Variants in SNX18 observed in about 807,000 individuals in gnomAD.
SNX18 encodes the protein sorting nexin-18.
SNX18 carries 35 observed loss-of-function variants against 48.7 expected under a neutral mutation model. The ratio of observed to expected loss-of-function variants is 0.72; its 90% CI spans 0.55 to 0.95. SNX18 has a LOEUF of 0.95. Among genes scored for constraint, SNX18 ranks in the 40% least tolerant of loss-of-function variants. The probability of loss-of-function intolerance (pLI) is 0.00; values close to 1 mark genes in which losing one functional copy is unlikely to be tolerated. For synonymous variants in SNX18, 492 were observed against 384.7 expected, an observed-to-expected ratio of 1.28 and a Z score of -3.26; for missense variants, 824 against 871.0, an observed-to-expected ratio of 0.95 and a Z score of 0.68.
At chr5:54,563,325 G>A in the SNX18 span, among the ~76,000 whole-genome samples, 48 of 152,226 alleles carry the variant, frequency 3.2e-4, no homozygotes, top group African/African-American at 1.2e-3. Context: ...TACAAGCTCT[G>A]TTCATGGTAA....
chr5:54,527,954 A>ATAAAATATGAGTGAT (rs1762166789), intron 1 of SNX18, among the ~76,000 whole-genome samples: 1 of 152,252 alleles, frequency 6.6e-6, no homozygotes, highest in East Asian at 1.9e-4. Context: ...GGATGAAGTC[A>ATAAAATATGAGTGAT]TTAACATGTG....
the SNX18 span, among the ~76,000 whole-genome samples, chr5:54,608,794 C>A: frequency 6.6e-4 from 100 of 152,260 alleles, no homozygotes; most frequent in Admixed American, 1.1e-3. Context: ...CATCTGAGTA[C>A]CCATCCTCCT....
intron 1 of SNX18, among the ~76,000 whole-genome samples, chr5:54,534,396 G>T (rs1762311582): frequency 6.6e-6 from 1 of 152,030 alleles, no homozygotes; most frequent in African/African-American, 2.4e-5. Context: ...GACTGGATGG[G>T]GTTGGACTGG....
chr5:54,609,466 A>G, the SNX18 span, among the ~76,000 whole-genome samples: 2 of 151,894 alleles, frequency 1.3e-5, no homozygotes, highest in African/African-American at 4.8e-5. Flanking sequence ...TTCATTTTCT[A>G]TTTATTTACT....
chr5:54,607,569 T>C, the SNX18 span, among the ~76,000 whole-genome samples: 1 of 152,184 alleles, frequency 6.6e-6, no homozygotes, highest in Non-Finnish European at 1.5e-5. Context: ...TAGGTATGCA[T>C]CACAATTTGT....
chr5:54,558,099 A>C, the SNX18 span, among the ~76,000 whole-genome samples: 1 of 152,174 alleles, frequency 6.6e-6, no homozygotes, highest in African/African-American at 2.4e-5. Flanking sequence ...TTTGCAGGTA[A>C]AAAAGACTCT....
chr5:54,592,276 TTTC>T, the SNX18 span, among the ~76,000 whole-genome samples: 1 of 151,986 alleles, frequency 6.6e-6, no homozygotes, highest in African/African-American at 2.4e-5. Flanking sequence ...CTTCCCTTCT[TTTC>T]TTCATCTCAC....
chr5:54,571,992 A>G, the SNX18 span, among the ~76,000 whole-genome samples: 4 of 152,178 alleles, frequency 2.6e-5, no homozygotes, highest in East Asian at 3.9e-4. Flanking sequence ...TACTGTTGCA[A>G]TCACTGTTAG....
the SNX18 span, among the ~76,000 whole-genome samples, chr5:54,586,190 G>A: frequency 6.6e-6 from 1 of 152,158 alleles, no homozygotes; most frequent in South Asian, 2.1e-4. Flanking sequence ...TAGGGATTGG[G>A]TGTGAATTAT....
rs1762559561 is a variant in SNX18, at chr5:54,545,432, A to T, written c.*2000A>T. The T allele has an allele frequency of 6.6e-6, 1 of 151,926 alleles. No individual in the cohort carries two copies. The highest frequency in any genetic ancestry group is 6.6e-5 in the Admixed American group (1 of 15,256). 9.4% of individuals were successfully genotyped at this position (151,926 alleles called of 1,614,324 possible). On this transcript the variant is annotated 3_prime_UTR_variant, in exon 2 of 2. Coordinates refer to ENST00000381410, the MANE Select transcript of SNX18 (RefSeq NM_001102575.2). ...TGGATTTTTTTTTTTTTAATAGTAA[A>T]ATCACTAAACTTGTGCAATGGTAGC...
intron 1 of SNX18, among the ~76,000 whole-genome samples, chr5:54,531,539 A>T (rs1436867235): frequency 6.6e-6 from 1 of 152,226 alleles, no homozygotes; most frequent in Non-Finnish European, 1.5e-5. Context: ...TAGTGTGGAT[A>T]ATCTGTAAAT....
In SNX18 at chr5:54,543,451, T is replaced by C. The variant is rs1391587174; in HGVS notation, c.*19T>C. 6.2e-7 allele frequency: 1 copy of C among 1,608,144 alleles called. No homozygotes were observed. ...TGTTTAATGACTGGACGTTGGATTA[T>C]GGACTTTTTCAGTTCAAGGATAATT... On this transcript the variant is annotated 3_prime_UTR_variant, in exon 2 of 2. Transcript: ENST00000381410.
the SNX18 span, among the ~76,000 whole-genome samples, chr5:54,598,391 G>A: frequency 6.6e-6 from 1 of 151,968 alleles, no homozygotes; most frequent in African/African-American, 2.4e-5. Flanking sequence ...ATTCTATGAG[G>A]CCAGGCCTGA....
chr5:54,609,384 T>C, the SNX18 span, among the ~76,000 whole-genome samples: 20 of 152,302 alleles, frequency 1.3e-4, no homozygotes, highest in African/African-American at 4.8e-4. Context: ...AAAATCTCTC[T>C]TCCTTTCTTG....
chr5:54,595,893 A>G, the SNX18 span, among the ~76,000 whole-genome samples: 1 of 152,150 alleles, frequency 6.6e-6, no homozygotes, highest in Non-Finnish European at 1.5e-5. Flanking sequence ...ATGTGACTGC[A>G]TCATTCCTAT....
chr5:54,603,250 ATT>A, the SNX18 span, among the ~76,000 whole-genome samples: 1,279 of 71,054 alleles, frequency 0.018, 5 homozygotes, highest in Middle Eastern at 0.043. Context: ...ATATATATAT[ATT>A]TTTTTAGAGA....
At chr5:54,634,105 C>T in the SNX18 span, among the ~76,000 whole-genome samples, 1 of 152,112 alleles carries the variant, frequency 6.6e-6, no homozygotes, top group Non-Finnish European at 1.5e-5. Flanking sequence ...TTTGTTGGTC[C>T]TTGGGAACTA....
the SNX18 span, among the ~76,000 whole-genome samples, chr5:54,588,818 T>C: frequency 2.0e-5 from 3 of 152,188 alleles, no homozygotes; most frequent in Admixed American, 2.0e-4. Context: ...TGTAACAAGA[T>C]CTGAGGTTTG....
At chr5:54,606,095 G>A in the SNX18 span, among the ~76,000 whole-genome samples, 1 of 152,160 alleles carries the variant, frequency 6.6e-6, no homozygotes, top group Non-Finnish European at 1.5e-5. Flanking sequence ...AATAAATAAA[G>A]ATGTATTATG....
Sources: gnomAD v4.1 joint callset for allele counts (sites outside exome capture counted in the v4.1 genomes callset) on GRCh38, gnomAD v4.1.1 for gene constraint, MANE v1.5 for transcripts, NCBI Gene and HGNC (gene_info 2026-07-23, HGNC 2026-07-21) for gene names.